UGT1A7: variants seen among roughly 807,000 people sequenced by gnomAD.
The protein encoded by UGT1A7 is UDP glucuronosyltransferase family 1 member A7, also known as UDP-glucuronosyltransferase 1A7.
UGT1A7 carries 33 observed loss-of-function variants against 45.6 expected under a neutral mutation model. The observed-to-expected ratio is 0.72, with a 90% CI of 0.55 to 0.97. The LOEUF is 0.97. Among genes scored for constraint, UGT1A7 ranks in the 50% least tolerant of loss-of-function variants. UGT1A7 has a pLI of 0.00. For missense variants in UGT1A7, 684 were observed against 666.2 expected (o/e 1.03, Z -0.29); for synonymous variants, 274 against 250.6 (o/e 1.09, Z -0.88).
intron 1 of UGT1A7, chr2:233,717,714 T>C: frequency 2.2e-6 from 1 of 453,348 alleles, no homozygotes; most frequent in South Asian, 1.6e-5. Context: ...ACGAGCCTCA[T>C]GGGCATGAGA....
At chr2:233,696,389 A>G (rs1016787235) in intron 1 of UGT1A7, among the ~76,000 whole-genome samples, 3 of 152,108 alleles carry the variant, frequency 2.0e-5, no homozygotes, top group African/African-American at 7.2e-5. Context: ...TATTCTTTGT[A>G]CGTTTTGTAA....
At chr2:233,760,261 C>T (rs2125981397) in intron 1 of UGT1A7, 4 of 1,611,118 alleles carry the variant, frequency 2.5e-6, no homozygotes, top group South Asian at 1.1e-5. Flanking sequence ...TAGGAGAGGG[C>T]GAACCTCTGG....
intron 1 of UGT1A7, chr2:233,744,007 G>A: frequency 8.6e-7 from 1 of 1,163,688 alleles, no homozygotes; most frequent in Non-Finnish European, 1.1e-6. Flanking sequence ...TCGGAGACCT[G>A]GGCCGCCTGG....
At chr2:233,767,789 A>T (rs1699484858) in intron 2 of UGT1A7, 60 bp from the exon 3 acceptor site, 5 of 1,613,778 alleles carry the variant, frequency 3.1e-6, no homozygotes, top group Non-Finnish European at 4.2e-6. Context: ...AGTATAGCAG[A>T]TTTGTTTTCT....
intron 1 of UGT1A7, among the ~76,000 whole-genome samples, chr2:233,701,976 G>A (rs1359333208): frequency 6.6e-6 from 1 of 151,918 alleles, no homozygotes; most frequent in Non-Finnish European, 1.5e-5. Context: ...CTAGTAAAAG[G>A]CAAGAAATAA....
chr2:233,749,548 G>A (rs1179692892), intron 1 of UGT1A7, among the ~76,000 whole-genome samples: 1 of 151,762 alleles, frequency 6.6e-6, no homozygotes, highest in Non-Finnish European at 1.5e-5. Flanking sequence ...TAAAGAACAG[G>A]CTAATGTATT....
At chr2:233,713,423 T>C in intron 1 of UGT1A7, 1 of 1,614,200 alleles carries the variant, frequency 6.2e-7, no homozygotes. Flanking sequence ...TGCATGCTAC[T>C]TCCTTTGATG....
intron 1 of UGT1A7, among the ~76,000 whole-genome samples, chr2:233,720,293 G>A (rs1340833186): frequency 6.6e-6 from 1 of 152,182 alleles, no homozygotes; most frequent in Non-Finnish European, 1.5e-5. Flanking sequence ...CTGACCAGGA[G>A]TTGGGGGTCT....
At chr2:233,726,272 G>A (rs896187781) in intron 1 of UGT1A7, among the ~76,000 whole-genome samples, 1 of 152,166 alleles carries the variant, frequency 6.6e-6, no homozygotes, top group African/African-American at 2.4e-5. Flanking sequence ...ATGCGCCTAT[G>A]GTCCCAGGTA....
At chr2:233,746,981 C>T (rs1456419119) in intron 1 of UGT1A7, among the ~76,000 whole-genome samples, 1 of 151,772 alleles carries the variant, frequency 6.6e-6, no homozygotes, top group Non-Finnish European at 1.5e-5. Flanking sequence ...AGAGCGAGCG[C>T]AGGGTCAGAT....
intron 1 of UGT1A7, among the ~76,000 whole-genome samples, chr2:233,684,871 T>C (rs1457596293): frequency 6.6e-6 from 1 of 152,308 alleles, no homozygotes; most frequent in African/African-American, 2.4e-5. Flanking sequence ...TTGTTTCATA[T>C]GGGCAGGGTG....
intron 1 of UGT1A7, among the ~76,000 whole-genome samples, chr2:233,700,626 G>C (rs1477114109): frequency 6.6e-6 from 1 of 152,038 alleles, no homozygotes; most frequent in African/African-American, 2.4e-5. Flanking sequence ...GTTCCAGTAA[G>C]ATTTAATGAC....
chr2:233,756,961 G>A (rs1696368025), intron 1 of UGT1A7, among the ~76,000 whole-genome samples: 1 of 151,950 alleles, frequency 6.6e-6, no homozygotes, highest in Admixed American at 6.6e-5. Context: ...CTTGGCACTT[G>A]GTAAGCACGC....
chr2:233,731,298 T>TA (rs199583438), intron 1 of UGT1A7, among the ~76,000 whole-genome samples: 1 of 149,198 alleles, frequency 6.7e-6, no homozygotes, highest in Non-Finnish European at 1.5e-5. Context: ...TTTTTTTTTT[T>TA]ATTATACTTT....
intron 1 of UGT1A7, chr2:233,753,657 TTGTG>T (rs1007260491): frequency 1.3e-5 from 2 of 152,228 alleles, no homozygotes; most frequent in African/African-American, 4.8e-5. Context: ...ACTTTCTCAA[TTGTG>T]TGTATGGTGC....
intron 1 of UGT1A7, chr2:233,760,727 T>G: frequency 6.2e-7 from 1 of 1,614,214 alleles, no homozygotes; most frequent in Non-Finnish European, 8.5e-7. Context: ...AGCTTTGATG[T>G]CATGCTGACG....
intron 1 of UGT1A7, among the ~76,000 whole-genome samples, chr2:233,739,362 G>T (rs1691069001): frequency 1.3e-5 from 2 of 152,136 alleles, no homozygotes; most frequent in South Asian, 2.1e-4. Context: ...AGATCCAATA[G>T]CTTGCACTGT....
At chr2:233,685,678 A>G (rs2074749514) in intron 1 of UGT1A7, among the ~76,000 whole-genome samples, 1 of 152,234 alleles carries the variant, frequency 6.6e-6, no homozygotes, top group Non-Finnish European at 1.5e-5. Context: ...GTGTACCCAT[A>G]TAGCCATTCT....
rs1178608845 is a variant in UGT1A7, at chr2:233,760,418, T to A, written c.856-6616T>A. The A allele has an allele frequency of 8.7e-6, 14 of 1,614,198 alleles. No homozygotes were observed. The highest frequency in any genetic ancestry group is 1.1e-5 in the Non-Finnish European group (13 of 1,180,018). On this transcript the variant is annotated intron_variant, in intron 1 of 4. Transcript: ENST00000373426. ...GATGGCAGCCACTGGCTGAGCATGC[T>A]TGGGGCCATCCAGCAGCTGCAGCAG...
Sources: gnomAD v4.1 joint callset for allele counts (sites outside exome capture counted in the v4.1 genomes callset) on GRCh38, gnomAD v4.1.1 for gene constraint, MANE v1.5 for transcripts, NCBI Gene and HGNC (gene_info 2026-07-23, HGNC 2026-07-21) for gene names.